Variants in GPM6A observed in about 807,000 individuals in gnomAD.
GPM6A encodes the protein neuronal membrane glycoprotein M6-a.
A neutral mutation model predicts 32.1 loss-of-function variants in GPM6A; 7 were observed. That is an observed-to-expected ratio of 0.22 (90% CI 0.12 to 0.41). The LOEUF is 0.41. Ranked by LOEUF, GPM6A falls within the 10% of genes least tolerant of loss-of-function variation. The pLI is 1.00. For synonymous variants in GPM6A, 130 were observed against 123.4 expected, an observed-to-expected ratio of 1.05 and a Z score of -0.35; for missense variants, 235 against 347.2, an observed-to-expected ratio of 0.68 and a Z score of 2.57.
In GPM6A at chr4:175,693,282, A is replaced by C. The variant is rs543059303; in HGVS notation, c.230+8293T>G. Among the ~76,000 whole-genome samples the C allele has an allele frequency of 4.0e-3, 601 of 148,690 alleles. 7 individuals are homozygous for C. Among genetic ancestry groups the C allele is most frequent in the Non-Finnish European group, 4.2e-3 (285 of 67,374 alleles). Reference sequence around the variant, plus strand: ...TATATATATATACACATATGCATACATATATACATATATATATAAAATATA... The same window carrying C: ...TATATATATATACACATATGCATACCTATATACATATATATATAAAATATA... On this transcript the variant is annotated intron_variant, in intron 2 of 6. Transcript: ENST00000393658.
intron 1 of GPM6A, among the ~76,000 whole-genome samples, chr4:175,972,394 A>AT (rs2126425097): frequency 6.6e-6 from 1 of 152,356 alleles, no homozygotes; most frequent in African/African-American, 2.4e-5. Flanking sequence ...AGACTTATAG[A>AT]TAAAAACAAC....
chr4:175,721,411 G>T (rs1746126737), intron 1 of GPM6A, among the ~76,000 whole-genome samples: 1 of 151,782 alleles, frequency 6.6e-6, no homozygotes, highest in Admixed American at 6.6e-5. Flanking sequence ...AGGAGGCAGA[G>T]GTTGCAGTGA....
chr4:175,707,840 C>G (rs968580373), intron 1 of GPM6A, among the ~76,000 whole-genome samples: 5 of 151,940 alleles, frequency 3.3e-5, no homozygotes, highest in African/African-American at 1.2e-4. Flanking sequence ...TAAAGATGGT[C>G]TCTTGTTTTA....
chr4:175,851,726 T>C (rs763347309), intron 1 of GPM6A, among the ~76,000 whole-genome samples: 4 of 152,218 alleles, frequency 2.6e-5, no homozygotes, highest in Non-Finnish European at 4.4e-5. Flanking sequence ...AAATCAGTTG[T>C]GATTGGCAAG....
In GPM6A at chr4:175,744,088, A is replaced by G. The variant is rs190786480; in HGVS notation, c.38-42321T>C. Among the ~76,000 whole-genome samples the G allele has an allele frequency of 6.6e-5, 10 of 152,234 alleles. No homozygotes were observed. The East Asian group carries it at 1.5e-3, about 24-fold the overall frequency. On this transcript the variant is annotated intron_variant, in intron 1 of 6. Transcript: ENST00000393658. ...CAGAATATACATTCTTATCAAATGC[A>G]CACAGAATATTTACCAAAATAGGCC...
At chr4:175,665,429 A>G (rs1174535657) in intron 3 of GPM6A, among the ~76,000 whole-genome samples, 6 of 152,168 alleles carry the variant, frequency 3.9e-5, no homozygotes, top group Admixed American at 3.9e-4. Context: ...ATCGAGCCAG[A>G]GATTTTATTT....
At chr4:175,788,629 A>G (rs997996054) in intron 1 of GPM6A, among the ~76,000 whole-genome samples, 2 of 152,148 alleles carry the variant, frequency 1.3e-5, no homozygotes, top group Non-Finnish European at 2.9e-5. Flanking sequence ...AGATTTTATT[A>G]CTGTTAATTA....
chr4:175,954,214 T>C (rs904430679), intron 1 of GPM6A, among the ~76,000 whole-genome samples: 1 of 152,224 alleles, frequency 6.6e-6, no homozygotes, highest in Non-Finnish European at 1.5e-5. Context: ...TTTGCTCAGT[T>C]GTGCTGTTCA....
intron 1 of GPM6A, among the ~76,000 whole-genome samples, chr4:175,926,230 G>A (rs1411210138): frequency 2.0e-5 from 3 of 152,118 alleles, no homozygotes; most frequent in African/African-American, 7.2e-5. Flanking sequence ...AAAAACACTG[G>A]CAAATGTTTA....
At chr4:175,705,049 G>C (rs1157321777) in intron 1 of GPM6A, among the ~76,000 whole-genome samples, 1 of 152,070 alleles carries the variant, frequency 6.6e-6, no homozygotes, top group East Asian at 1.9e-4. Context: ...ACTTTAAATG[G>C]ACCAGTTCTA....
At chr4:175,740,569 T>A (rs574224128) in intron 1 of GPM6A, among the ~76,000 whole-genome samples, 1 of 152,036 alleles carries the variant, frequency 6.6e-6, no homozygotes, top group Non-Finnish European at 1.5e-5. Flanking sequence ...ATTAATTGAA[T>A]ATATCTTAAT....
At chr4:175,637,322 A>AT (rs1560842072) in intron 6 of GPM6A, among the ~76,000 whole-genome samples, 4 of 35,998 alleles carry the variant, frequency 1.1e-4, no homozygotes, top group African/African-American at 4.7e-4. Context: ...AATATAAAAT[A>AT]TATATTATAT....
intron 1 of GPM6A, among the ~76,000 whole-genome samples, chr4:175,996,073 T>G (rs1299688539): frequency 6.6e-6 from 1 of 152,180 alleles, no homozygotes; most frequent in Non-Finnish European, 1.5e-5. Flanking sequence ...AACACAATAA[T>G]GAGCTAATAT....
chr4:176,000,244 A>C (rs2126475716), intron 1 of GPM6A, among the ~76,000 whole-genome samples: 1 of 152,328 alleles, frequency 6.6e-6, no homozygotes, highest in South Asian at 2.1e-4. Context: ...CAATTACAAC[A>C]GGAAAAATGT....
At chr4:175,794,628 C>T (rs2111285512) in intron 1 of GPM6A, among the ~76,000 whole-genome samples, 1 of 152,234 alleles carries the variant, frequency 6.6e-6, no homozygotes, top group East Asian at 1.9e-4. Flanking sequence ...TAGAAATGTA[C>T]TGGAACCTGG....
At chr4:175,722,015 A>G (rs1041349490) in intron 1 of GPM6A, among the ~76,000 whole-genome samples, 1 of 152,092 alleles carries the variant, frequency 6.6e-6, no homozygotes, top group Non-Finnish European at 1.5e-5. Flanking sequence ...CGCCAGGTGC[A>G]ATGTCCCATG....
At chr4:175,968,619 A>G (rs1740402630) in intron 1 of GPM6A, among the ~76,000 whole-genome samples, 1 of 152,204 alleles carries the variant, frequency 6.6e-6, no homozygotes, top group Non-Finnish European at 1.5e-5. Context: ...CGGACAATAA[A>G]TCTGACCTAA....
intron 1 of GPM6A, among the ~76,000 whole-genome samples, chr4:175,856,681 C>T (rs148342257): frequency 8.9e-4 from 136 of 152,146 alleles, no homozygotes; most frequent in African/African-American, 3.0e-3. Context: ...TTTTACTGAG[C>T]GATGGAAGCA....
intron 6 of GPM6A, among the ~76,000 whole-genome samples, chr4:175,639,287 AT>A (rs1430413233): frequency 1.3e-5 from 2 of 152,130 alleles, no homozygotes; most frequent in Non-Finnish European, 2.9e-5. Context: ...AGAGAAAAAC[AT>A]TTTTTTATGA....
Sources: allele counts gnomAD v4.1 joint callset (sites outside exome capture counted in the v4.1 genomes callset), GRCh38; gene constraint gnomAD v4.1.1; transcripts MANE v1.5; gene names NCBI Gene and HGNC (gene_info 2026-07-23, HGNC 2026-07-21).